CNTNAP5: variants seen among roughly 807,000 people sequenced by gnomAD.
The protein encoded by CNTNAP5 is contactin-associated protein-like 5.
Under a neutral mutation model 150.2 loss-of-function variants are expected in CNTNAP5, and 72 were observed. That is an observed-to-expected ratio of 0.48 (90% CI 0.40 to 0.58). CNTNAP5 has a LOEUF of 0.58. CNTNAP5 is among the 20% of genes least tolerant of loss of function. CNTNAP5 has a pLI of 0.00. For synonymous variants in CNTNAP5, 672 were observed against 619.8 expected (o/e 1.08, Z -1.25); for missense variants, 1,636 against 1,626.2 (o/e 1.01, Z -0.10).
At chr2:124,496,029 G>A (rs1160256147) in intron 7 of CNTNAP5, among the ~76,000 whole-genome samples, 3 of 152,208 alleles carry the variant, frequency 2.0e-5, no homozygotes, top group Admixed American at 1.3e-4. Flanking sequence ...CTACTGCCAT[G>A]TAAGCTCTAG....
chr2:124,750,851 G>C (rs1182952418), intron 14 of CNTNAP5, among the ~76,000 whole-genome samples: 3 of 151,904 alleles, frequency 2.0e-5, no homozygotes, highest in Admixed American at 2.0e-4. Context: ...GGGCATGGTG[G>C]TGCGTGCCTG....
At chr2:124,139,385 TAA>T (rs1184703989) in intron 1 of CNTNAP5, among the ~76,000 whole-genome samples, 1 of 151,926 alleles carries the variant, frequency 6.6e-6, no homozygotes, top group African/African-American at 2.4e-5. Flanking sequence ...TGAAAAATAC[TAA>T]AGACAAGAGA....
intron 1 of CNTNAP5, among the ~76,000 whole-genome samples, chr2:124,104,777 T>C (rs1174798762): frequency 6.6e-6 from 1 of 152,198 alleles, no homozygotes; most frequent in Non-Finnish European, 1.5e-5. Context: ...GGCCCAGCAC[T>C]AGTTCCACTC....
chr2:124,426,059 A>C (rs78904011), intron 4 of CNTNAP5, among the ~76,000 whole-genome samples: 12,717 of 152,238 alleles, frequency 0.084, 621 homozygotes, highest in Admixed American at 0.14. Context: ...CAAAACAAAA[A>C]AAAACCTAAG....
intron 1 of CNTNAP5, among the ~76,000 whole-genome samples, chr2:124,168,340 CT>C (rs1418739077): frequency 2.0e-5 from 3 of 152,100 alleles, no homozygotes; most frequent in African/African-American, 7.2e-5. Flanking sequence ...GAAGGTAAAG[CT>C]TTATCGTGCT....
chr2:124,405,426 T>A (rs1269573711), intron 3 of CNTNAP5, among the ~76,000 whole-genome samples: 3 of 152,146 alleles, frequency 2.0e-5, no homozygotes, highest in Non-Finnish European at 4.4e-5. Context: ...CCACTGCAAT[T>A]ACTTGGTTGC....
At chr2:124,470,317 A>G (rs927800568) in intron 6 of CNTNAP5, among the ~76,000 whole-genome samples, 42 of 152,210 alleles carry the variant, frequency 2.8e-4, no homozygotes, top group African/African-American at 8.9e-4. Context: ...TTCTCTAATG[A>G]TCAGTGATAT....
intron 3 of CNTNAP5, among the ~76,000 whole-genome samples, chr2:124,377,597 C>A (rs1458370467): frequency 1.3e-5 from 2 of 151,626 alleles, no homozygotes; most frequent in Admixed American, 6.6e-5. Context: ...ATCTCTTGAA[C>A]CCGGAAGGTG....
In CNTNAP5 at chr2:124,800,382, C is replaced by T. The variant is rs147570219; in HGVS notation, c.3217+2062C>T. Among the ~76,000 whole-genome samples, 642 of 152,252 alleles carry T rather than the reference C, an allele frequency of 4.2e-3. 3 individuals are homozygous for T. The highest frequency in any genetic ancestry group is 6.6e-3 in the Non-Finnish European group (446 of 68,026). ...CAAATTGCACACACATATACACACA[C>T]ACACACACAAATATATATAACTCTA... On this transcript the variant is annotated intron_variant, in intron 19 of 23. Coordinates refer to ENST00000682447, the MANE Select transcript of CNTNAP5 (RefSeq NM_001367498.1).
At chr2:124,483,745 A>G (rs1219458578) in intron 7 of CNTNAP5, among the ~76,000 whole-genome samples, 1 of 152,228 alleles carries the variant, frequency 6.6e-6, no homozygotes, top group African/African-American at 2.4e-5. Context: ...TTGAACATCT[A>G]CTGTGTTTAC....
chr2:124,331,352 A>C (rs1689345644), intron 3 of CNTNAP5, among the ~76,000 whole-genome samples: 1 of 152,126 alleles, frequency 6.6e-6, no homozygotes, highest in Non-Finnish European at 1.5e-5. Context: ...ATGACATATC[A>C]GATATTTAGG....
At chr2:124,427,235 C>T (rs982920620) in intron 4 of CNTNAP5, among the ~76,000 whole-genome samples, 20 of 152,136 alleles carry the variant, frequency 1.3e-4, no homozygotes, top group Middle Eastern at 6.8e-3. Context: ...GTTTTACTAC[C>T]TTGGCAAGGC....
chr2:124,100,864 CAAA>C (rs60441145), intron 1 of CNTNAP5, among the ~76,000 whole-genome samples: 10 of 88,036 alleles, frequency 1.1e-4, no homozygotes, highest in African/African-American at 2.5e-4. Context: ...GACTCTGTCT[CAAA>C]AAAAAAAAAA....
intron 3 of CNTNAP5, among the ~76,000 whole-genome samples, chr2:124,340,778 T>C (rs915464363): frequency 1.4e-5 from 2 of 146,446 alleles, no homozygotes; most frequent in African/African-American, 5.1e-5. Flanking sequence ...AACAACTATA[T>C]ATATACACAT....
intron 19 of CNTNAP5, among the ~76,000 whole-genome samples, chr2:124,842,236 C>T (rs1379592122): frequency 6.6e-6 from 1 of 152,040 alleles, no homozygotes; most frequent in Admixed American, 6.6e-5. Flanking sequence ...GAAAGAAAAA[C>T]AGATCTTTAG....
intron 12 of CNTNAP5, among the ~76,000 whole-genome samples, chr2:124,628,492 A>G (rs1378323683): frequency 6.6e-6 from 1 of 152,124 alleles, no homozygotes; most frequent in African/African-American, 2.4e-5. Flanking sequence ...AAAAAAGTAA[A>G]ATCTTTTTCA....
intron 3 of CNTNAP5, among the ~76,000 whole-genome samples, chr2:124,387,806 G>T (rs1411794548): frequency 1.3e-5 from 2 of 152,134 alleles, no homozygotes; most frequent in Middle Eastern, 3.2e-3. Flanking sequence ...CTTGGCTTGG[G>T]CTCAGAGGCC....
intron 3 of CNTNAP5, among the ~76,000 whole-genome samples, chr2:124,269,948 G>A (rs1203805303): frequency 6.6e-6 from 1 of 152,160 alleles, no homozygotes; most frequent in African/African-American, 2.4e-5. Flanking sequence ...GGATGTTAAT[G>A]AGGACAAACT....
chr2:124,326,757 T>A (rs1689228585), intron 3 of CNTNAP5, among the ~76,000 whole-genome samples: 1 of 151,924 alleles, frequency 6.6e-6, no homozygotes, highest in African/African-American at 2.4e-5. Context: ...AACCCCCATC[T>A]TGACAAAATA....
Sources: gnomAD v4.1 joint callset for allele counts (sites outside exome capture counted in the v4.1 genomes callset) on GRCh38, gnomAD v4.1.1 for gene constraint, MANE v1.5 for transcripts, NCBI Gene and HGNC (gene_info 2026-07-23, HGNC 2026-07-21) for gene names.